The following PRKG1 variants were observed in gnomAD, a reference collection of about 807,000 sequenced individuals.
The protein encoded by PRKG1 is protein kinase cGMP-dependent 1.
Under a neutral mutation model 88.1 loss-of-function variants are expected in PRKG1, and 35 were observed. The observed-to-expected ratio is 0.40, with a 90% CI of 0.30 to 0.53. The LOEUF is 0.53. Ranked by LOEUF, PRKG1 falls within the 20% of genes least tolerant of loss-of-function variation. The probability of loss-of-function intolerance (pLI) is 0.59; values close to 1 mark genes in which losing one functional copy is unlikely to be tolerated. For synonymous variants in PRKG1, 303 were observed against 292.5 expected (o/e 1.04, Z -0.37); for missense variants, 540 against 839.8 (o/e 0.64, Z 4.41).
intron 5 of PRKG1, among the ~76,000 whole-genome samples, chr10:52,020,192 A>G (rs1288886337): frequency 6.6e-6 from 1 of 152,042 alleles, no homozygotes; most frequent in Non-Finnish European, 1.5e-5. Context: ...TGCTTGGCTT[A>G]TAGTAAATCT....
chr10:51,852,776 C>A (rs1840591322), intron 4 of PRKG1, among the ~76,000 whole-genome samples: 2 of 152,120 alleles, frequency 1.3e-5, no homozygotes, highest in Admixed American at 1.3e-4. Flanking sequence ...TCTGGCACCA[C>A]AAAATTATGT....
At position 51,396,268 on chromosome 10, in the gene PRKG1, A is replaced by G. The variant is rs187587318; in HGVS notation, c.479-71455A>G. On this transcript the variant is annotated intron_variant, in intron 2 of 17. Transcript: ENST00000373980. ...AAGGTGTAATTAACTGGGCGTGGTG[A>G]CATGTGCCTGTAGTTGTAGCCACTC... 7.6e-4 allele frequency among the ~76,000 whole-genome samples: 115 copies of G among 152,202 alleles called. 1 individual carries two copies. Among genetic ancestry groups the G allele is most frequent in the Non-Finnish European group, 1.4e-3 (93 of 67,988 alleles).
At position 51,586,898 on chromosome 10, in the gene PRKG1, T is replaced by C. The variant is rs190231276; in HGVS notation, c.592+119062T>C. 2.6e-3 allele frequency among the ~76,000 whole-genome samples: 391 copies of C among 152,260 alleles called. 3 individuals carry two copies. The highest frequency in any genetic ancestry group is 8.8e-3 in the African/African-American group (367 of 41,566). ...AAAAGGATGTACATGTATTCCTGTCTTCCTGACTTGTATTATTATTCATGT... is the reference window on the plus strand; with the variant it reads ...AAAAGGATGTACATGTATTCCTGTCCTCCTGACTTGTATTATTATTCATGT... On this transcript the variant is annotated intron_variant, in intron 3 of 17. Transcript: ENST00000373980.
intron 3 of PRKG1, among the ~76,000 whole-genome samples, chr10:51,631,253 C>G (rs1193127163): frequency 1.3e-5 from 2 of 152,230 alleles, no homozygotes; most frequent in Non-Finnish European, 2.9e-5. Context: ...TTTGTTTTCA[C>G]TCATTTGTGC....
chr10:51,059,844 G>T (rs1843674368), intron 1 of PRKG1, among the ~76,000 whole-genome samples: 1 of 152,096 alleles, frequency 6.6e-6, no homozygotes, highest in African/African-American at 2.4e-5. Context: ...TAAGTATATT[G>T]TTTCTATCTT....
intron 5 of PRKG1, among the ~76,000 whole-genome samples, chr10:51,992,779 C>T (rs898954458): frequency 2.6e-5 from 4 of 152,180 alleles, no homozygotes; most frequent in Non-Finnish European, 5.9e-5. Flanking sequence ...GTTATTTCTT[C>T]TCAAATGCCT....
In PRKG1 at chr10:52,106,345, T is replaced by G. The variant is rs990127807; in HGVS notation, c.936-27495T>G. Among the ~76,000 whole-genome samples the G allele has an allele frequency of 3.9e-5, 6 of 152,146 alleles. No homozygotes were observed. In the East Asian group the frequency reaches 1.2e-3, roughly 29 times the overall value. ...TTAAATTTCAATGTCAGATAAACAG[T>G]GAACAGTTTTGTTACTGTAAGTGTG... On this transcript the variant is annotated intron_variant, in intron 7 of 17. Coordinates refer to ENST00000373980, the MANE Select transcript of PRKG1 (RefSeq NM_006258.4).
chr10:51,763,698 G>T (rs1354435523), intron 3 of PRKG1, among the ~76,000 whole-genome samples: 1 of 150,994 alleles, frequency 6.6e-6, no homozygotes, highest in Non-Finnish European at 1.5e-5. Context: ...CTTAGTCTTT[G>T]ATCTGTTGCT....
chr10:51,439,254 T>C (rs1161715449), intron 2 of PRKG1, among the ~76,000 whole-genome samples: 1 of 151,998 alleles, frequency 6.6e-6, no homozygotes, highest in East Asian at 1.9e-4. Context: ...GTAGGTACAA[T>C]TAGACTATGG....
chr10:52,266,186 T>TTCA (rs1841565232), intron 10 of PRKG1, among the ~76,000 whole-genome samples: 1 of 149,160 alleles, frequency 6.7e-6, no homozygotes, highest in Non-Finnish European at 1.5e-5. Flanking sequence ...ATATTAATGC[T>TTCA]TTATTATTAT....
intron 3 of PRKG1, among the ~76,000 whole-genome samples, chr10:51,611,484 T>TAA (rs58617683): frequency 1.5e-3 from 227 of 149,614 alleles, no homozygotes; most frequent in African/African-American, 5.2e-3. Flanking sequence ...TGCCCTTTTT[T>TAA]AAAAAAAAAA....
chr10:51,948,139 A>T (rs1843097143), intron 5 of PRKG1, among the ~76,000 whole-genome samples: 1 of 152,150 alleles, frequency 6.6e-6, no homozygotes, highest in Non-Finnish European at 1.5e-5. Context: ...TTATTAAATT[A>T]TTTACATTGT....
At chr10:51,589,950 A>G (rs989015476) in intron 3 of PRKG1, among the ~76,000 whole-genome samples, 2 of 152,204 alleles carry the variant, frequency 1.3e-5, no homozygotes, top group African/African-American at 4.8e-5. Flanking sequence ...GAAGCAATCA[A>G]TTACTATGAT....
chr10:51,242,131 T>G (rs1435364420), intron 2 of PRKG1, among the ~76,000 whole-genome samples: 1 of 152,092 alleles, frequency 6.6e-6, no homozygotes, highest in Non-Finnish European at 1.5e-5. Flanking sequence ...TATAAATGAC[T>G]GGGTGAGAAA....
intron 9 of PRKG1, among the ~76,000 whole-genome samples, chr10:52,214,004 G>C (rs1446792513): frequency 6.6e-6 from 1 of 151,940 alleles, no homozygotes; most frequent in African/African-American, 2.4e-5. Context: ...TTCAAAATTT[G>C]ATGAGCATTT....
At chr10:51,387,735 T>C (rs1420889305) in intron 2 of PRKG1, among the ~76,000 whole-genome samples, 18 of 152,332 alleles carry the variant, frequency 1.2e-4, no homozygotes, top group Middle Eastern at 3.4e-3. Context: ...TTGTTATTTC[T>C]TTTAAACATA....
At chr10:52,118,036 C>A (rs1402634103) in intron 7 of PRKG1, among the ~76,000 whole-genome samples, 1 of 151,894 alleles carries the variant, frequency 6.6e-6, no homozygotes, top group Non-Finnish European at 1.5e-5. Context: ...TAGTAATATG[C>A]TTTTAATGTT....
intron 3 of PRKG1, among the ~76,000 whole-genome samples, chr10:51,701,009 T>G (rs923460419): frequency 6.6e-6 from 1 of 152,174 alleles, no homozygotes; most frequent in African/African-American, 2.4e-5. Context: ...TGAAAGATTT[T>G]AATGATCAAA....
intron 2 of PRKG1, among the ~76,000 whole-genome samples, chr10:51,332,409 TA>T (rs1315603320): frequency 6.6e-6 from 1 of 150,630 alleles, no homozygotes; most frequent in African/African-American, 2.4e-5. Context: ...CCCCTCCACC[TA>T]AAAAAATCAC....
Sources: gnomAD v4.1 joint callset for allele counts (sites outside exome capture counted in the v4.1 genomes callset) on GRCh38, gnomAD v4.1.1 for gene constraint, MANE v1.5 for transcripts, NCBI Gene and HGNC (gene_info 2026-07-23, HGNC 2026-07-21) for gene names.